ZNF536: variants seen among roughly 807,000 people sequenced by gnomAD.
The protein encoded by ZNF536 is zinc finger protein 536.
A neutral mutation model predicts 84.5 loss-of-function variants in ZNF536; 13 were observed. The ratio of observed to expected loss-of-function variants is 0.15; its 90% CI spans 0.10 to 0.24. The LOEUF is 0.24. ZNF536 is among the 10% of genes least tolerant of loss of function. The probability of loss-of-function intolerance (pLI) is 1.00; values close to 1 mark genes in which losing one functional copy is unlikely to be tolerated. For synonymous variants in ZNF536, 811 were observed against 742.5 expected, an observed-to-expected ratio of 1.09 and a Z score of -1.50; for missense variants, 1,536 against 1,747.5, an observed-to-expected ratio of 0.88 and a Z score of 2.16.
intron 1 of ZNF536, among the ~76,000 whole-genome samples, chr19:30,253,718 G>T (rs1340213311): frequency 6.6e-6 from 1 of 152,124 alleles, no homozygotes; most frequent in East Asian, 1.9e-4. Flanking sequence ...TGGTTCCTGG[G>T]GACATGTGGG....
Position 30,385,434 on chromosome 19 carries a change from C to T in ZNF536, c.-3+12878C>T, listed in dbSNP as rs527356468. 1.8e-4 allele frequency among the ~76,000 whole-genome samples: 28 copies of T among 152,224 alleles called. 1 individual carries two copies. Among genetic ancestry groups the T allele is most frequent in the Admixed American group, 4.6e-4 (7 of 15,298 alleles). On this transcript the variant is annotated intron_variant, in intron 1 of 4. Coordinates refer to ENST00000355537, the MANE Select transcript of ZNF536 (RefSeq NM_014717.3). ...GGGTGTCTCCCTGTGGGCTGGGTAACGACCGTTACCCTGGTTGCAGTGCTT... is the reference window on the plus strand; with the variant it reads ...GGGTGTCTCCCTGTGGGCTGGGTAATGACCGTTACCCTGGTTGCAGTGCTT...
At chr19:30,421,468 GCCTCCCAGTT>G (rs1217671525) in intron 1 of ZNF536, among the ~76,000 whole-genome samples, 3 of 152,096 alleles carry the variant, frequency 2.0e-5, no homozygotes, top group Non-Finnish European at 4.4e-5. Flanking sequence ...GCTCACTGTA[GCCTCCCAGTT>G]CCTGGCCTCC....
chr19:30,509,518 A>C (rs1193412241), intron 2 of ZNF536, among the ~76,000 whole-genome samples: 1 of 148,640 alleles, frequency 6.7e-6, no homozygotes. Flanking sequence ...TTTGTGCATA[A>C]TTTATATATA....
intron 3 of ZNF536, among the ~76,000 whole-genome samples, chr19:30,540,070 G>A (rs1222600526): frequency 6.6e-6 from 1 of 152,170 alleles, no homozygotes; most frequent in East Asian, 1.9e-4. Context: ...TTCCAGCCCC[G>A]AGTCGGGAAC....
At chr19:30,508,774 T>C (rs77626834) in intron 2 of ZNF536, among the ~76,000 whole-genome samples, 300 of 151,372 alleles carry the variant, frequency 2.0e-3, no homozygotes, top group Non-Finnish European at 3.8e-3. Flanking sequence ...TGACTACATT[T>C]GTGGGTGTGG....
At chr19:30,277,115 A>G (rs892912769) in intron 1 of ZNF536, among the ~76,000 whole-genome samples, 2 of 152,202 alleles carry the variant, frequency 1.3e-5, no homozygotes, top group African/African-American at 4.8e-5. Context: ...TTTTTGAAGT[A>G]ATGAAGAGAG....
At chr19:30,657,972 T>C (rs866384604) in intron 1 of ZNF536, among the ~76,000 whole-genome samples, 8 of 152,064 alleles carry the variant, frequency 5.3e-5, no homozygotes, top group African/African-American at 1.9e-4. Context: ...GAAATGTAAA[T>C]CAGACCATAT....
chr19:30,468,528 G>T (rs1226719299), intron 2 of ZNF536, among the ~76,000 whole-genome samples: 3 of 152,106 alleles, frequency 2.0e-5, no homozygotes, highest in Non-Finnish European at 2.9e-5. Context: ...GGGGCGAGGG[G>T]TCTGCATTGA....
chr19:30,374,115 T>G (rs749920424), intron 1 of ZNF536, among the ~76,000 whole-genome samples: 1 of 152,190 alleles, frequency 6.6e-6, no homozygotes, highest in Non-Finnish European at 1.5e-5. Context: ...GTAACTCCAA[T>G]TAAATAATAT....
At chr19:30,676,904 C>T (rs1232872403) in intron 1 of ZNF536, among the ~76,000 whole-genome samples, 1 of 152,128 alleles carries the variant, frequency 6.6e-6, no homozygotes, top group Non-Finnish European at 1.5e-5. Flanking sequence ...TGGAGTCTTG[C>T]TATGTTGCCC....
chr19:30,533,355 T>G (rs942665027), intron 2 of ZNF536, among the ~76,000 whole-genome samples: 6 of 152,046 alleles, frequency 3.9e-5, no homozygotes, highest in Non-Finnish European at 8.8e-5. Context: ...ACCCTGTCTG[T>G]GCAAAAAATA....
rs1415688508 is a variant in ZNF536 at position 30,256,193 on chromosome 19, G to GA, written c.-190+27526dup. On this transcript the variant is annotated intron_variant, in intron 1 of 5. Transcript: ENST00000585628. ...ACAGAAACTTAAGGGTAGAAAAAAGGAAAAAAGAGGAGACTCAACTTTGTA... is the reference window on the plus strand; with the variant it reads ...ACAGAAACTTAAGGGTAGAAAAAAGGAAAAAAAGAGGAGACTCAACTTTGTA... Among the ~76,000 whole-genome samples, 5 of 152,142 alleles carry GA rather than the reference G, an allele frequency of 3.3e-5. No individual in the cohort carries two copies. The East Asian group carries it at 5.8e-4, about 18-fold the overall frequency.
rs79360095 is a variant in ZNF536 at position 30,638,275 on chromosome 19, C to T, written c.170-72482C>T. Among the ~76,000 whole-genome samples, 342 of 152,294 alleles carry T rather than the reference C, an allele frequency of 2.2e-3. 17 individuals carry two copies. The East Asian group carries it at 0.062, about 27-fold the overall frequency. Reference sequence around the variant, plus strand: ...TTTAAGGTCTTAACATCTCACACTGCTGTGTTAGTCTGTTCTAGATTTGCT... The same window carrying T: ...TTTAAGGTCTTAACATCTCACACTGTTGTGTTAGTCTGTTCTAGATTTGCT... On this transcript the variant is annotated intron_variant, in intron 1 of 1. Coordinates refer to the ZNF536 transcript ENST00000592773.
At chr19:30,389,872 A>G (rs899105062) in intron 1 of ZNF536, among the ~76,000 whole-genome samples, 1 of 152,230 alleles carries the variant, frequency 6.6e-6, no homozygotes, top group Non-Finnish European at 1.5e-5. Flanking sequence ...ACATTTTCCA[A>G]CTTGAGCTGC....
chr19:30,649,910 TA>T (rs34573085), intron 1 of ZNF536, among the ~76,000 whole-genome samples: 67,374 of 149,400 alleles, frequency 0.45, 15,399 homozygotes, highest in East Asian at 0.6. Flanking sequence ...TAATCTTAAC[TA>T]AAAAAAAAAA....
intron 1 of ZNF536, among the ~76,000 whole-genome samples, chr19:30,575,920 GC>G (rs2046716764): frequency 5.3e-5 from 8 of 152,166 alleles, no homozygotes; most frequent in Non-Finnish European, 7.3e-5. Context: ...CACAGAAATG[GC>G]CTAGGCCTTG....
At chr19:30,646,420 G>C (rs980346263) in intron 1 of ZNF536, among the ~76,000 whole-genome samples, 1 of 152,224 alleles carries the variant, frequency 6.6e-6, no homozygotes, top group Non-Finnish European at 1.5e-5. Flanking sequence ...TGTGTGTTTA[G>C]GCAGGAGTGC....
intron 2 of ZNF536, among the ~76,000 whole-genome samples, chr19:30,332,127 A>C (rs4804924): frequency 0.66 from 100,336 of 152,098 alleles, 34,351 homozygotes; most frequent in African/African-American, 0.84. Flanking sequence ...GCCATGTGCC[A>C]ACTGCATCTC....
rs923591281 is a variant in ZNF536, at chr19:30,530,599, G to A, written c.2171-4248G>A. Among the ~76,000 whole-genome samples the A allele has an allele frequency of 2.1e-4, 32 of 152,062 alleles. 1 individual carries two copies. The highest frequency in any genetic ancestry group is 2.1e-4 in the South Asian group (1 of 4,812). On this transcript the variant is annotated intron_variant, in intron 2 of 4. Transcript: ENST00000355537. Reference sequence around the variant, plus strand: ...TGACCTCAGATGATCTGCTGGCCTCGGCCTCCCAAAGTTCTGGGATTACAG... The same window carrying A: ...TGACCTCAGATGATCTGCTGGCCTCAGCCTCCCAAAGTTCTGGGATTACAG...
Sources: allele counts gnomAD v4.1 joint callset (sites outside exome capture counted in the v4.1 genomes callset), GRCh38; gene constraint gnomAD v4.1.1; transcripts MANE v1.5; gene names NCBI Gene and HGNC (gene_info 2026-07-23, HGNC 2026-07-21).